Variants in OR9Q1 observed in about 807,000 individuals in gnomAD.
OR9Q1 encodes olfactory receptor 9Q1.
For missense variants in OR9Q1, 374 were observed against 378.8 expected (o/e 0.99, Z 0.11); for synonymous variants, 153 against 148.6 (o/e 1.03, Z -0.22).
At chr11:58,177,143 C>T (rs1243985752) in intron 2 of OR9Q1, among the ~76,000 whole-genome samples, 2 of 152,184 alleles carry the variant, frequency 1.3e-5, no homozygotes, top group African/African-American at 4.8e-5. Context: ...TATCCTGTTG[C>T]ACTACAACTC....
At chr11:58,066,631 A>G (rs1853432467) in intron 2 of OR9Q1, among the ~76,000 whole-genome samples, 1 of 151,974 alleles carries the variant, frequency 6.6e-6, no homozygotes, top group Admixed American at 6.5e-5. Context: ...GTCAACTACT[A>G]ATTTTCCTTA....
chr11:58,031,375 C>T (rs764285490), intron 1 of OR9Q1: 2 of 1,614,134 alleles, frequency 1.2e-6, no homozygotes, highest in Non-Finnish European at 1.7e-6. Flanking sequence ...CTTTTGTGTC[C>T]TGGGGCACCT....
At chr11:58,123,423 A>G (rs1027978467) in intron 2 of OR9Q1, among the ~76,000 whole-genome samples, 2 of 152,134 alleles carry the variant, frequency 1.3e-5, no homozygotes, top group African/African-American at 4.8e-5. Context: ...GGTCTCTCTG[A>G]TTAGAGACAC....
At chr11:58,034,792 C>CCCTCCCTTCCTTCCTTCCTTCCTTCCTT (rs71454310) in intron 1 of OR9Q1, among the ~76,000 whole-genome samples, 1 of 96,050 alleles carries the variant, frequency 1.0e-5, no homozygotes, top group Non-Finnish European at 2.1e-5. Flanking sequence ...CCTCCTTTCT[C>CCCTCCCTTCCTTCCTTCCTTCCTTCCTT]CCTTCCTTCC....
At chr11:58,056,575 C>T (rs2119983761) in intron 2 of OR9Q1, among the ~76,000 whole-genome samples, 1 of 152,282 alleles carries the variant, frequency 6.6e-6, no homozygotes, top group African/African-American at 2.4e-5. Context: ...TTTTGTTGAA[C>T]ACAGTCAGAT....
At chr11:58,072,412 C>G (rs1032665344) in intron 2 of OR9Q1, 3 of 155,554 alleles carry the variant, frequency 1.9e-5, no homozygotes, top group Middle Eastern at 2.1e-3. Flanking sequence ...TTTAGCAATA[C>G]TTTTTGTTAC....
At position 58,160,760 on chromosome 11, in the gene OR9Q1, C is replaced by T. The variant is rs183737103; in HGVS notation, c.-14-18671C>T. 1.5e-3 allele frequency among the ~76,000 whole-genome samples: 227 copies of T among 152,300 alleles called. 1 individual carries two copies. Among genetic ancestry groups the T allele is most frequent in the African/African-American group, 5.0e-3 (209 of 41,550 alleles). On this transcript the variant is annotated intron_variant, in intron 2 of 2. Transcript: ENST00000335397. ...AAGTTTGAGATAGCTTTCCCTAGCA[C>T]TCTCTGCTTTATCCACACTGGCCTT...
At position 58,173,777 on chromosome 11, in the gene OR9Q1, C is replaced by T. The variant is rs1590626886; in HGVS notation, c.-14-5654C>T. Reference sequence around the variant, plus strand: ...GGACCCACTGTTGCCATGTGCCTGCCGTTCTTCCTGTTTTCTAGTGGGAGC... The same window carrying T: ...GGACCCACTGTTGCCATGTGCCTGCTGTTCTTCCTGTTTTCTAGTGGGAGC... On this transcript the variant is annotated intron_variant, in intron 2 of 2. Coordinates refer to ENST00000335397, the MANE Select transcript of OR9Q1 (RefSeq NM_001005212.4). Among the ~76,000 whole-genome samples the T allele has an allele frequency of 3.3e-5, 5 of 152,084 alleles. No homozygotes were observed. In the South Asian group the frequency reaches 8.3e-4, roughly 25 times the overall value.
At chr11:58,146,622 A>T (rs1392159454) in intron 2 of OR9Q1, among the ~76,000 whole-genome samples, 3 of 152,206 alleles carry the variant, frequency 2.0e-5, no homozygotes, top group Non-Finnish European at 4.4e-5. Context: ...TTGCAAAGTG[A>T]AACAAAAGAA....
intron 2 of OR9Q1, among the ~76,000 whole-genome samples, chr11:58,103,212 G>A (rs1853801325): frequency 6.6e-6 from 1 of 152,076 alleles, no homozygotes; most frequent in African/African-American, 2.4e-5. Flanking sequence ...GCGGCAGCAA[G>A]GAGAAGTGCA....
Position 58,164,134 on chromosome 11 carries a change from C to T in OR9Q1, c.-14-15297C>T, listed in dbSNP as rs113538643. 1.3e-4 allele frequency among the ~76,000 whole-genome samples: 20 copies of T among 152,170 alleles called. 1 individual carries two copies. Among genetic ancestry groups the T allele is most frequent in the South Asian group, 4.1e-4 (2 of 4,820 alleles). ...CTGCAGACAGAGGATATTCCCCCAC[C>T]TTGTCTCGGCTTGCAGGGGTTGGGG... is the stretch of plus-strand genomic sequence containing the variant. On this transcript the variant is annotated intron_variant, in intron 2 of 2. Coordinates refer to ENST00000335397, the MANE Select transcript of OR9Q1 (RefSeq NM_001005212.4).
chr11:58,066,137 C>T (rs1372471964), intron 2 of OR9Q1, among the ~76,000 whole-genome samples: 1 of 151,772 alleles, frequency 6.6e-6, no homozygotes, highest in African/African-American at 2.4e-5. Context: ...TCTCCCTCTC[C>T]AGGGATTAAA....
chr11:58,123,964 A>G lies in OR9Q1; in HGVS notation c.-14-55467A>G, dbSNP rs186541053. Among the ~76,000 whole-genome samples the G allele has an allele frequency of 5.4e-3, 822 of 152,300 alleles. 7 individuals carry two copies. The highest frequency in any genetic ancestry group is 0.051 in the Middle Eastern group (15 of 294). On this transcript the variant is annotated intron_variant, in intron 2 of 2. Transcript: ENST00000335397. ...TATACCCTTGGAAAACTGCTCAACC[A>G]ATTGGAACCTCAATTTTTTCAATAA...
rs189255881 is a variant in OR9Q1 at position 58,037,281 on chromosome 11, G to T, written c.-93+13177G>T. 2.0e-5 allele frequency among the ~76,000 whole-genome samples: 3 copies of T among 152,142 alleles called. No individual in the cohort carries two copies. The East Asian group carries it at 5.8e-4, about 29-fold the overall frequency. On this transcript the variant is annotated intron_variant, in intron 1 of 2. Coordinates refer to ENST00000335397, the MANE Select transcript of OR9Q1 (RefSeq NM_001005212.4). ...ACATAATGCTATTGCACACTTAATA[G>T]ACTACACTATAGTGTAAACATACTT...
At chr11:58,077,833 G>A (rs1853551988) in intron 2 of OR9Q1, 1 of 152,156 alleles carries the variant, frequency 6.6e-6, no homozygotes, top group African/African-American at 2.4e-5. Context: ...TAGTCCTCAG[G>A]TGTAGGCATT....
At chr11:58,075,221 G>T (rs911921962) in intron 2 of OR9Q1, among the ~76,000 whole-genome samples, 14 of 152,138 alleles carry the variant, frequency 9.2e-5, no homozygotes, top group African/African-American at 3.4e-4. Flanking sequence ...TCATGATATT[G>T]ATTCTTCCTA....
At chr11:58,135,824 A>G (rs760992850) in intron 2 of OR9Q1, among the ~76,000 whole-genome samples, 2 of 152,162 alleles carry the variant, frequency 1.3e-5, no homozygotes, top group Non-Finnish European at 2.9e-5. Flanking sequence ...CCATGGCTAT[A>G]TATTTCCCAC....
At chr11:58,101,322 T>C (rs985342417) in intron 2 of OR9Q1, among the ~76,000 whole-genome samples, 7 of 152,202 alleles carry the variant, frequency 4.6e-5, no homozygotes, top group African/African-American at 1.7e-4. Context: ...TTTTTAATAA[T>C]GGCTATTCTG....
At position 58,085,475 on chromosome 11, in the gene OR9Q1, C is replaced by G. The variant is rs146911465; in HGVS notation, c.-15+29528C>G. 8.7e-3 allele frequency among the ~76,000 whole-genome samples: 1,319 copies of G among 151,718 alleles called. 50 individuals are homozygous for G. The highest frequency in any genetic ancestry group is 0.03 in the African/African-American group (1,238 of 41,156). On this transcript the variant is annotated intron_variant, in intron 2 of 2. Transcript: ENST00000335397. ...TCCAATATCATATTTTAAGTTGTAG[C>G]CACTCTCTTGTACAGCAGATTTCTA...
Sources: gnomAD v4.1 joint callset for allele counts (sites outside exome capture counted in the v4.1 genomes callset) on GRCh38, gnomAD v4.1.1 for gene constraint, MANE v1.5 for transcripts, NCBI Gene and HGNC (gene_info 2026-07-23, HGNC 2026-07-21) for gene names.